Variants in SGCZ observed in about 807,000 individuals in gnomAD.
SGCZ encodes the protein sarcoglycan zeta, also known as zeta-sarcoglycan.
Under a neutral mutation model 41.3 loss-of-function variants are expected in SGCZ, and 40 were observed. The observed-to-expected ratio is 0.97, with a 90% CI of 0.75 to 1.26. SGCZ has a LOEUF of 1.26. Ranked by LOEUF, SGCZ falls within the 50% of genes most tolerant of loss-of-function variation. The probability of loss-of-function intolerance (pLI) is 0.00; values close to 1 mark genes in which losing one functional copy is unlikely to be tolerated. For synonymous variants in SGCZ, 206 were observed against 137.5 expected, an observed-to-expected ratio of 1.50 and a Z score of -3.49; for missense variants, 552 against 369.8, an observed-to-expected ratio of 1.49 and a Z score of -4.04.
chr8:15,203,963 C>T (rs765850316), intron 1 of SGCZ, among the ~76,000 whole-genome samples: 17 of 152,100 alleles, frequency 1.1e-4, no homozygotes, highest in Non-Finnish European at 1.6e-4. Context: ...TATGGGACTA[C>T]GTTTATGTAA....
chr8:14,885,499 G>A (rs148212142), intron 1 of SGCZ, among the ~76,000 whole-genome samples: 2 of 152,160 alleles, frequency 1.3e-5, no homozygotes, highest in Non-Finnish European at 2.9e-5. Context: ...AAAACAAGAG[G>A]AATGATCTTA....
chr8:14,933,145 G>A (rs529522323), intron 1 of SGCZ, among the ~76,000 whole-genome samples: 8 of 151,902 alleles, frequency 5.3e-5, no homozygotes, highest in East Asian at 1.9e-4. Flanking sequence ...GGCTCACTAC[G>A]TCGGTAACAG....
At chr8:14,901,561 A>G (rs1215466449) in intron 1 of SGCZ, among the ~76,000 whole-genome samples, 1 of 152,158 alleles carries the variant, frequency 6.6e-6, no homozygotes, top group Non-Finnish European at 1.5e-5. Flanking sequence ...GTATCTGTAA[A>G]ATGTGTGAAG....
At chr8:14,434,589 C>T (rs1800035135) in intron 2 of SGCZ, among the ~76,000 whole-genome samples, 1 of 152,026 alleles carries the variant, frequency 6.6e-6, no homozygotes, top group Non-Finnish European at 1.5e-5. Flanking sequence ...TTGATTCTAC[C>T]CACCCATGAG....
intron 1 of SGCZ, among the ~76,000 whole-genome samples, chr8:14,805,497 T>C (rs1479278207): frequency 7.3e-6 from 1 of 136,278 alleles, no homozygotes; most frequent in African/African-American, 2.5e-5. Flanking sequence ...CATTACATAA[T>C]GGTAAAGGGA....
intron 3 of SGCZ, among the ~76,000 whole-genome samples, chr8:14,281,441 G>C (rs1455375645): frequency 7.1e-6 from 1 of 140,316 alleles, no homozygotes; most frequent in Non-Finnish European, 1.6e-5. Flanking sequence ...ATCCACTAAG[G>C]TAGTGATTCT....
At chr8:14,197,638 T>C (rs1010394532) in intron 4 of SGCZ, among the ~76,000 whole-genome samples, 3 of 152,092 alleles carry the variant, frequency 2.0e-5, no homozygotes, top group Admixed American at 6.5e-5. Context: ...TCTTAATAAA[T>C]TGGGAATGAA....
intron 1 of SGCZ, among the ~76,000 whole-genome samples, chr8:15,152,824 A>G (rs1031389942): frequency 6.6e-6 from 1 of 152,188 alleles, no homozygotes; most frequent in African/African-American, 2.4e-5. Flanking sequence ...CTAAGTACCT[A>G]TATCAGATAA....
At chr8:14,313,370 G>C (rs1345175317) in intron 3 of SGCZ, among the ~76,000 whole-genome samples, 3 of 152,280 alleles carry the variant, frequency 2.0e-5, no homozygotes, top group East Asian at 3.9e-4. Context: ...CTGGATCACA[G>C]TTGCGCCATC....
At chr8:14,104,698 C>G (rs1395395852) in intron 6 of SGCZ, among the ~76,000 whole-genome samples, 1 of 152,054 alleles carries the variant, frequency 6.6e-6, no homozygotes, top group East Asian at 1.9e-4. Context: ...AAAATCCTGA[C>G]TGCTTAATAG....
chr8:14,655,040 A>C (rs1807519651), intron 1 of SGCZ, among the ~76,000 whole-genome samples: 1 of 151,910 alleles, frequency 6.6e-6, no homozygotes, highest in African/African-American at 2.4e-5. Context: ...AATACCTTAC[A>C]TTTTTTTCCC....
rs150813421 is a variant in SGCZ at position 15,003,830 on chromosome 8, G to C, written c.39+233755C>G. On this transcript the variant is annotated intron_variant, in intron 1 of 7. Transcript: ENST00000382080. ...AGTAATTATTTATAATCCCTATCTC[G>C]TAAGTGTTGCTGATGAAAACAATTA... 1.4e-4 allele frequency among the ~76,000 whole-genome samples: 22 copies of C among 152,164 alleles called. 1 individual carries two copies. Among genetic ancestry groups the C allele is most frequent in the African/African-American group, 5.3e-4 (22 of 41,530 alleles).
At chr8:15,088,762 C>T (rs1479774479) in intron 1 of SGCZ, among the ~76,000 whole-genome samples, 22 of 152,094 alleles carry the variant, frequency 1.4e-4, no homozygotes, top group Admixed American at 3.9e-4. Context: ...ATTGGTCAGT[C>T]GCTAAACCAT....
chr8:14,310,769 T>C (rs1208320299), intron 3 of SGCZ, among the ~76,000 whole-genome samples: 1 of 152,162 alleles, frequency 6.6e-6, no homozygotes, highest in Non-Finnish European at 1.5e-5. Context: ...CTGTATTATG[T>C]CTTCTTTTGT....
intron 3 of SGCZ, among the ~76,000 whole-genome samples, chr8:14,253,924 T>C (rs928538175): frequency 1.5e-4 from 16 of 110,126 alleles, no homozygotes; most frequent in South Asian, 3.9e-4. Flanking sequence ...AATTACAGTT[T>C]TTCTCACTTG....
chr8:14,305,885 G>A (rs771818516), intron 3 of SGCZ, among the ~76,000 whole-genome samples: 15 of 152,188 alleles, frequency 9.9e-5, no homozygotes, highest in South Asian at 2.1e-4. Context: ...CTCTATTGCC[G>A]CTGGGCACCA....
intron 2 of SGCZ, among the ~76,000 whole-genome samples, chr8:14,378,753 A>T (rs551568047): frequency 7.2e-5 from 11 of 152,292 alleles, no homozygotes; most frequent in African/African-American, 2.4e-4. Context: ...CACTAACTCC[A>T]GGTAAATAGT....
In SGCZ at chr8:14,865,383, T is replaced by C. The variant is rs180927683; in HGVS notation, c.40-310457A>G. The stretch of plus-strand genomic sequence containing the variant: ...AGCTCCCTACCTCACCTTCCTATGA[T>C]GTCTACCATAGAAAGCCAAAGATTT... On this transcript the variant is annotated intron_variant, in intron 1 of 7. Coordinates refer to ENST00000382080, the MANE Select transcript of SGCZ (RefSeq NM_139167.4). Among the ~76,000 whole-genome samples, 257 of 152,230 alleles carry C rather than the reference T, an allele frequency of 1.7e-3. 4 individuals carry two copies. Among genetic ancestry groups the C allele is most frequent in the Admixed American group, 0.014 (209 of 15,276 alleles).
chr8:14,221,755 G>A (rs1354070751), intron 4 of SGCZ, among the ~76,000 whole-genome samples: 2 of 152,114 alleles, frequency 1.3e-5, no homozygotes, highest in Admixed American at 6.5e-5. Context: ...GGCCAACATG[G>A]TGAAACCTCA....
Sources: allele counts gnomAD v4.1 joint callset (sites outside exome capture counted in the v4.1 genomes callset), GRCh38; gene constraint gnomAD v4.1.1; transcripts MANE v1.5; gene names NCBI Gene and HGNC (gene_info 2026-07-23, HGNC 2026-07-21).